The following FBN3 variants were observed in gnomAD, a reference collection of about 807,000 sequenced individuals.
FBN3 encodes fibrillin-3.
A neutral mutation model predicts 330.1 loss-of-function variants in FBN3; 234 were observed. The observed-to-expected ratio is 0.71, with a 90% CI of 0.64 to 0.79. FBN3 has a LOEUF of 0.79. Ranked by LOEUF, FBN3 falls within the 30% of genes least tolerant of loss-of-function variation. FBN3 has a pLI of 0.00. For missense variants in FBN3, 3,606 were observed against 3,886.9 expected, an observed-to-expected ratio of 0.93 and a Z score of 1.92; for synonymous variants, 1,458 against 1,517.3, an observed-to-expected ratio of 0.96 and a Z score of 0.91.
Position 8,090,143 on chromosome 19 carries a change from TCCCCA to T in FBN3, c.6135_6139del (p.Glu2047LeufsTer32), listed in dbSNP as rs1399457663. On this transcript the variant is annotated frameshift_variant, in exon 49 of 64. Transcript: ENST00000600128. LOFTEE classifies it high-confidence loss of function. ...CAGTTCGCAGGGGTCTCCCCAGCCC[TCCCCA>T]GGCCTCTTACTGCAGCAGCAGCGGG... is the stretch of plus-strand genomic sequence containing the variant. 6.2e-7 allele frequency: 1 copy of T among 1,613,420 alleles called. No individual in the cohort carries two copies. Among genetic ancestry groups the T allele is most frequent in the South Asian group, 1.1e-5 (1 of 91,034 alleles).
At chr19:8,102,686 G>C in intron 40 of FBN3, 38 bp downstream of exon 40, 1 of 1,594,776 alleles carries the variant, frequency 6.3e-7, no homozygotes, top group Non-Finnish European at 8.6e-7. Flanking sequence ...ATGCTAGGAG[G>C]GGCCAGGCTG....
At chr19:8,115,708 G>A in intron 29 of FBN3, 68 bp from the exon 30 acceptor site, 3 of 1,564,566 alleles carry the variant, frequency 1.9e-6, no homozygotes, top group Non-Finnish European at 2.6e-6. Flanking sequence ...AGTAGGTGAG[G>A]GTGGGAGGGA....
chr19:8,117,708 C>A lies in FBN3; in HGVS notation c.3338-119G>T, dbSNP rs2082737728. 2.3e-5 allele frequency: 27 copies of A among 1,162,534 alleles called. No individual in the cohort carries two copies. In the South Asian group the frequency reaches 4.0e-4, roughly 17 times the overall value. The allele number at this position is 1,162,534 out of a possible 1,614,324, so 72.0% of individuals were successfully genotyped here. ...GCTCACACTGCCAGCATTGGCACAG[C>A]CCCGCATGTGCCTATCCGTACACTT... On this transcript the variant is annotated intron_variant, in intron 26 of 63. Coordinates refer to ENST00000600128, the MANE Select transcript of FBN3 (RefSeq NM_032447.5).
intron 32 of FBN3, 76 bp downstream of exon 32, chr19:8,111,572 C>A (rs371830343): frequency 1.8e-5 from 26 of 1,449,600 alleles, no homozygotes; most frequent in African/African-American, 1.7e-4. Context: ...GGTCGAGTGA[C>A]CATGGCAGCC....
At chr19:8,107,780 G>A (rs1383376636) in intron 37 of FBN3, among the ~76,000 whole-genome samples, 1 of 146,378 alleles carries the variant, frequency 6.8e-6, no homozygotes, top group African/African-American at 2.5e-5. Context: ...ATGTATGGAT[G>A]TACTGGATGG....
chr19:8,087,044 T>C, intron 54 of FBN3, 33 bp downstream of exon 54: 1 of 1,596,304 alleles, frequency 6.3e-7, no homozygotes, highest in South Asian at 1.1e-5. Context: ...CACAAGGAGT[T>C]TCCTGCACCC....
Position 8,130,631 on chromosome 19 carries a change from A to AGG in FBN3, c.2044+603_2044+604insCC, listed in dbSNP as rs752885365. On this transcript the variant is annotated intron_variant, in intron 16 of 63. Coordinates refer to ENST00000600128, the MANE Select transcript of FBN3 (RefSeq NM_032447.5). ...AAGAAAGAAAGAAAGAAAGAAAGAA[A>AGG]GAAAGAAAGAAAGGAAAGGAAAGGA... Among the ~76,000 whole-genome samples the AGG allele has an allele frequency of 1.9e-4, 3 of 15,864 alleles. 1 individual carries two copies. Among genetic ancestry groups the AGG allele is most frequent in the Non-Finnish European group, 1.2e-4 (1 of 8,664 alleles). 10.4% of individuals were successfully genotyped at this position (15,864 alleles called of 152,430 possible).
chr19:8,121,237 C>T lies in FBN3; in HGVS notation c.3211+21G>A. 1 of 1,576,320 alleles carries T rather than the reference C, an allele frequency of 6.3e-7. No homozygotes were observed. On this transcript the variant is annotated intron_variant, in intron 25 of 63. Coordinates refer to ENST00000600128, the MANE Select transcript of FBN3 (RefSeq NM_032447.5). The surrounding 1 kb of genome is among the most constrained non-coding windows in gnomAD (Gnocchi z 4.5). The stretch of plus-strand genomic sequence containing the variant: ...TCCCTGCCCAGGGCGCCCACCACAC[C>T]CCTGCCCGGCAGTCACCGACCCATG...
intron 54 of FBN3, 134 bp from the exon 55 acceptor site, chr19:8,086,459 ATTATTAT>A (rs2081962413): frequency 7.4e-6 from 2 of 271,558 alleles, no homozygotes; most frequent in African/African-American, 5.4e-5. Flanking sequence ...TATTATTATT[ATTATTAT>A]TATTTTTTGA....
In FBN3 at chr19:8,136,066, T is replaced by C. The variant is rs376676284; in HGVS notation, c.1486A>G (p.Ser496Gly). Residue 496 changes from serine to glycine, a missense_variant, in exon 13 of 64, where the codon AGT becomes GGT. Ser to Gly is a moderately conservative substitution (Grantham distance 56). Transcript: ENST00000600128. ...CGGCCCAGGTGACAAAGGCCACCAC[T>C]GACAATGCACTCGTCCACATCTGCG... ...ACVDVDECIV[S>G]GGLCHLGRCV... 6.8e-6 allele frequency: 11 copies of C among 1,613,902 alleles called. No homozygotes were observed. The African/African-American group carries it at 8.0e-5, about 12-fold the overall frequency.
chr19:8,108,336 T>C, intron 36 of FBN3, 98 bp from the exon 37 acceptor site: 1 of 903,146 alleles, frequency 1.1e-6, no homozygotes, highest in East Asian at 2.5e-5. Context: ...GGCTCAAGAG[T>C]GGGCTCCCAT....
Position 8,085,343 on chromosome 19 carries a change from C to T in FBN3, c.7087+20G>A. 2 of 1,554,902 alleles carry T rather than the reference C, an allele frequency of 1.3e-6. No individual in the cohort carries two copies. Among genetic ancestry groups the T allele is most frequent in the Non-Finnish European group, 1.7e-6 (2 of 1,153,368 alleles). ...CCCGTTTCTTGCCTCCCTGGGGGTCCTGAGGGCATGGGCACCCACCTCGGC... is the reference window on the plus strand; with the variant it reads ...CCCGTTTCTTGCCTCCCTGGGGGTCTTGAGGGCATGGGCACCCACCTCGGC... On this transcript the variant is annotated intron_variant, in intron 56 of 63. Coordinates refer to ENST00000600128, the MANE Select transcript of FBN3 (RefSeq NM_032447.5).
intron 59 of FBN3, among the ~76,000 whole-genome samples, chr19:8,079,219 G>A (rs917307110): frequency 6.6e-6 from 1 of 152,042 alleles, no homozygotes; most frequent in Non-Finnish European, 1.5e-5. Flanking sequence ...ACTCCAGCCC[G>A]GGCAACAGAG....
At chr19:8,100,059 G>A (rs370059599) in intron 41 of FBN3, among the ~76,000 whole-genome samples, 5 of 150,448 alleles carry the variant, frequency 3.3e-5, no homozygotes, top group Admixed American at 1.3e-4. Context: ...ACTGCAACAC[G>A]GATGCACCTT....
chr19:8,120,419 C>T (rs1417228278), intron 25 of FBN3, among the ~76,000 whole-genome samples: 1 of 151,912 alleles, frequency 6.6e-6, no homozygotes, highest in Non-Finnish European at 1.5e-5. Context: ...ATCTGCCCAC[C>T]TCAGCCTCCC....
rs1276815923 is a variant in FBN3, at chr19:8,094,453, G to T, written c.5898C>A (p.His1966Gln). Residue 1966 changes from histidine to glutamine, a missense_variant, in exon 47 of 64, where the codon CAC becomes CAA. By Grantham distance (24) the His-to-Gln change is conservative (BLOSUM62 0). Transcript: ENST00000600128. Reference protein sequence around the residue: ...CPPGFQVQSDHCIDIDECSEE... With the variant: ...CPPGFQVQSDQCIDIDECSEE... ...GTGGGGCTGGACACTCACCAATGCAGTGGTCACTCTGCACCTGGAAGCCAG... is the reference window on the plus strand; with the variant it reads ...GTGGGGCTGGACACTCACCAATGCATTGGTCACTCTGCACCTGGAAGCCAG... 6.2e-7 allele frequency: 1 copy of T among 1,613,226 alleles called. No individual in the cohort carries two copies. Among genetic ancestry groups the T allele is most frequent in the East Asian group, 2.2e-5 (1 of 44,874 alleles).
In FBN3 at chr19:8,073,057, T is replaced by C; in HGVS notation, c.7937+6A>G. ...GGAGTCTGCTTGCCCCACTCCAGCC[T>C]CTCACCCTTGCCCAGCCCGGAAGTA... On this transcript the variant is annotated splice_donor_region_variant and intron_variant, in intron 62 of 63. Coordinates refer to ENST00000600128, the MANE Select transcript of FBN3 (RefSeq NM_032447.5). 1 of 1,597,092 alleles carries C rather than the reference T, an allele frequency of 6.3e-7. No homozygotes were observed. The highest frequency in any genetic ancestry group is 8.5e-7 in the Non-Finnish European group (1 of 1,170,064).
chr19:8,146,814 TAAAGA>T (rs2083557106), intron 3 of FBN3, among the ~76,000 whole-genome samples: 1 of 149,682 alleles, frequency 6.7e-6, no homozygotes, highest in Non-Finnish European at 1.5e-5. Flanking sequence ...ATAATAATAA[TAAAGA>T]AAAGAAACCA....
intron 55 of FBN3, 67 bp downstream of exon 55, chr19:8,086,133 G>C: frequency 2.4e-6 from 3 of 1,229,658 alleles, no homozygotes; most frequent in Non-Finnish European, 3.3e-6. Flanking sequence ...AGGCAGTGGG[G>C]GGGGACAGGC....
Sources: allele counts gnomAD v4.1 joint callset (sites outside exome capture counted in the v4.1 genomes callset), GRCh38; gene constraint gnomAD v4.1.1; non-coding constraint Gnocchi (gnomAD v3.1); transcripts MANE v1.5; gene names NCBI Gene and HGNC (gene_info 2026-07-23, HGNC 2026-07-21).